The following HEBP1 variants were observed in gnomAD, a reference collection of about 807,000 sequenced individuals.
HEBP1 encodes the protein heme binding protein 1.
In HEBP1, 13 loss-of-function variants were observed where a neutral mutation model predicts 20.4. The ratio of observed to expected loss-of-function variants is 0.64; its 90% CI spans 0.42 to 1.01. HEBP1 has a LOEUF of 1.01. HEBP1 is among the 50% of genes least tolerant of loss of function. The pLI, the probability that HEBP1 is intolerant of heterozygous loss-of-function variation, is 0.00. For missense variants in HEBP1, 241 were observed against 247.3 expected, an observed-to-expected ratio of 0.97 and a Z score of 0.17; for synonymous variants, 92 against 90.7, an observed-to-expected ratio of 1.01 and a Z score of -0.08.
chr12:12,997,062 A>C (rs1219822127), intron 1 of HEBP1, among the ~76,000 whole-genome samples: 1 of 152,242 alleles, frequency 6.6e-6, no homozygotes, highest in African/African-American at 2.4e-5. Flanking sequence ...TACTTATAGT[A>C]ACTCTGGAAA....
At chr12:12,999,532 C>T (rs1465409292) in intron 1 of HEBP1, among the ~76,000 whole-genome samples, 1 of 152,220 alleles carries the variant, frequency 6.6e-6, no homozygotes, top group Non-Finnish European at 1.5e-5. Flanking sequence ...CGCAGAATGG[C>T]CGGAAACTTA....
intron 3 of HEBP1, chr12:12,977,415 C>T (rs932840546): frequency 7.2e-5 from 11 of 152,248 alleles, no homozygotes; most frequent in Non-Finnish European, 1.0e-4. Context: ...GGTAATCTAA[C>T]GAAATACCAT....
intron 1 of HEBP1, among the ~76,000 whole-genome samples, chr12:12,994,317 G>A (rs1249452279): frequency 6.6e-6 from 1 of 152,238 alleles, no homozygotes; most frequent in East Asian, 1.9e-4. Context: ...CTCAGAGGCT[G>A]TTGTGGGAGT....
Position 12,989,368 on chromosome 12 carries a change from G to A in HEBP1, c.126C>T (p.Ala42=). The A allele has an allele frequency of 3.1e-6, 5 of 1,614,150 alleles. No individual in the cohort carries two copies. The highest frequency in any genetic ancestry group is 4.2e-6 in the Non-Finnish European group (5 of 1,179,984). Residue 42 remains alanine (A), a synonymous_variant, in exon 2 of 4, where the codon GCC becomes GCT. Coordinates refer to ENST00000014930, the MANE Select transcript of HEBP1 (RefSeq NM_015987.5). ...EERACEGGKF[A]TVEVTDKPVD... Reference sequence around the variant, plus strand: ...CAGGCTTATCTGTCACTTCTACTGTGGCAAATTTGCCGCCTTCACAGGCCC... The same window carrying A: ...CAGGCTTATCTGTCACTTCTACTGTAGCAAATTTGCCGCCTTCACAGGCCC...
In HEBP1 at chr12:12,975,340, G is replaced by A. The variant is rs76698360; in HGVS notation, c.538C>T (p.Arg180Trp). ...GYDPPMKPYG[R>W]RNEIWLLKT ...TTCAACAGCCAGATCTCATTGCGCC[G>A]TCCGTAGGGCTTCATGGGAGGGTCA... The change falls in exon 4 of 4, where the codon CGG becomes TGG. Residue 180 changes from arginine (R) to tryptophan (W), a missense_variant. Transcript: ENST00000014930. The A allele has an allele frequency of 3.3e-5, 53 of 1,613,980 alleles. No individual in the cohort carries two copies. Among genetic ancestry groups the A allele is most frequent in the South Asian group, 8.8e-5 (8 of 91,074 alleles).
rs1051120171 is a variant in HEBP1, at chr12:12,994,145, G to C, written c.79-4730C>G. 9.4e-4 allele frequency among the ~76,000 whole-genome samples: 143 copies of C among 152,274 alleles called. 1 individual carries two copies. The highest frequency in any genetic ancestry group is 3.3e-3 in the African/African-American group (139 of 41,550). On this transcript the variant is annotated intron_variant, in intron 1 of 3. Transcript: ENST00000014930. ...TGCAGTAAATGCTCTGATCATTTGG[G>C]GAGGATATTCCAGGTAGTGGGTACC...
chr12:12,985,143 G>A (rs551718546), intron 3 of HEBP1, among the ~76,000 whole-genome samples: 11 of 149,526 alleles, frequency 7.4e-5, no homozygotes, highest in South Asian at 6.3e-4. Flanking sequence ...GAGAGACTCC[G>A]TTGGAAAAAA....
chr12:12,989,876 C>G (rs929427602), intron 1 of HEBP1, among the ~76,000 whole-genome samples: 1 of 152,170 alleles, frequency 6.6e-6, no homozygotes, highest in Non-Finnish European at 1.5e-5. Context: ...TAGGCTCATT[C>G]TAGTAGGAGG....
At chr12:12,990,325 T>C (rs1260336762) in intron 1 of HEBP1, among the ~76,000 whole-genome samples, 1 of 148,194 alleles carries the variant, frequency 6.7e-6, no homozygotes, top group Non-Finnish European at 1.5e-5. Context: ...CATACCACCA[T>C]GCCCTGCTAA....
At chr12:12,994,017 T>A (rs563427325) in intron 1 of HEBP1, among the ~76,000 whole-genome samples, 1 of 152,304 alleles carries the variant, frequency 6.6e-6, no homozygotes, top group Admixed American at 6.5e-5. Flanking sequence ...ATTCATGGAA[T>A]AAACATTGTC....
intron 2 of HEBP1, 44 bp from the exon 3 acceptor site, chr12:12,987,376 A>G: frequency 6.5e-7 from 1 of 1,539,000 alleles, no homozygotes. Flanking sequence ...TCAGAGACAG[A>G]GCTTGCTCAG....
chr12:12,995,110 C>T (rs1033283465), intron 1 of HEBP1, among the ~76,000 whole-genome samples: 4 of 152,172 alleles, frequency 2.6e-5, no homozygotes, highest in African/African-American at 7.2e-5. Flanking sequence ...GCTCCCTCTC[C>T]CTGGAGCATT....
intron 3 of HEBP1, among the ~76,000 whole-genome samples, chr12:12,977,249 G>C (rs980618357): frequency 1.3e-5 from 2 of 152,184 alleles, no homozygotes; most frequent in African/African-American, 2.4e-5. Flanking sequence ...ATCTTCGAAG[G>C]CTACTGTAAA....
chr12:12,975,985 G>A (rs1045324654), intron 3 of HEBP1, among the ~76,000 whole-genome samples: 5 of 148,864 alleles, frequency 3.4e-5, no homozygotes, highest in African/African-American at 1.2e-4. Context: ...CAGCAGAGCA[G>A]CTCTAGTGAC....
intron 1 of HEBP1, among the ~76,000 whole-genome samples, chr12:12,991,765 C>CT (rs573392605): frequency 2.0e-5 from 3 of 151,604 alleles, no homozygotes; most frequent in South Asian, 2.1e-4. Context: ...TGCATCCTGG[C>CT]TTTTTTTTTG....
chr12:12,994,358 T>C (rs1366926544), intron 1 of HEBP1, among the ~76,000 whole-genome samples: 1 of 152,134 alleles, frequency 6.6e-6, no homozygotes, highest in African/African-American at 2.4e-5. Context: ...CCAGTGATGG[T>C]GATTTGATAG....
At chr12:12,995,474 A>G (rs1401784729) in intron 1 of HEBP1, among the ~76,000 whole-genome samples, 1 of 152,196 alleles carries the variant, frequency 6.6e-6, no homozygotes, top group African/African-American at 2.4e-5. Context: ...AAGAGCCATA[A>G]TAGATGGGCA....
At chr12:12,983,276 T>C (rs1864109857) in intron 3 of HEBP1, 1 of 169,186 alleles carries the variant, frequency 5.9e-6, no homozygotes, top group Non-Finnish European at 1.3e-5. Flanking sequence ...CTGGTCTAAG[T>C]GTGAGGATAA....
At chr12:12,990,843 C>T (rs1864216304) in intron 1 of HEBP1, among the ~76,000 whole-genome samples, 1 of 152,176 alleles carries the variant, frequency 6.6e-6, no homozygotes, top group Non-Finnish European at 1.5e-5. Flanking sequence ...GAGATATTTT[C>T]CAGACCCTGT....
Sources: gnomAD v4.1 joint callset for allele counts (sites outside exome capture counted in the v4.1 genomes callset) on GRCh38, gnomAD v4.1.1 for gene constraint, MANE v1.5 for transcripts, NCBI Gene and HGNC (gene_info 2026-07-23, HGNC 2026-07-21) for gene names.